The following EIF3J variants were observed in gnomAD, a reference collection of about 807,000 sequenced individuals.
EIF3J encodes eukaryotic translation initiation factor 3, subunit 1 (alpha, 35kD).
EIF3J carries 15 observed loss-of-function variants against 39.0 expected under a neutral mutation model. The observed-to-expected ratio is 0.38, with a 90% CI of 0.26 to 0.59. The LOEUF (loss-of-function observed/expected upper bound fraction) is 0.59, where lower values mean the gene tolerates loss of function less well. EIF3J is among the 20% of genes least tolerant of loss of function. EIF3J has a pLI of 0.60. For missense variants in EIF3J, 226 were observed against 308.6 expected (o/e 0.73, Z 2.00); for synonymous variants, 98 against 112.9 (o/e 0.87, Z 0.84).
At chr15:44,541,071 C>T (rs996407619) in intron 2 of EIF3J, among the ~76,000 whole-genome samples, 1 of 152,144 alleles carries the variant, frequency 6.6e-6, no homozygotes, top group Non-Finnish European at 1.5e-5. Context: ...CTATGCTTTT[C>T]CCCAGTTAAA....
chr15:44,539,079 T>A (rs1396699196), intron 2 of EIF3J, among the ~76,000 whole-genome samples: 1 of 149,892 alleles, frequency 6.7e-6, no homozygotes, highest in African/African-American at 2.5e-5. Flanking sequence ...CAGGCTGGAG[T>A]GCAATGGCGC....
At chr15:44,560,994 G>C (rs1186740490) in intron 7 of EIF3J, 24 bp from the exon 8 acceptor site, 2 of 1,611,008 alleles carry the variant, frequency 1.2e-6, no homozygotes, top group Non-Finnish European at 1.7e-6. Flanking sequence ...TAAGGTTCAT[G>C]AATTAACTCT....
intron 4 of EIF3J, among the ~76,000 whole-genome samples, chr15:44,554,196 G>A (rs996798466): frequency 1.3e-5 from 2 of 152,002 alleles, no homozygotes; most frequent in Admixed American, 1.3e-4. Context: ...GGCCAACATG[G>A]TGAAACCCCA....
At chr15:44,545,094 A>G (rs928878690) in intron 2 of EIF3J, among the ~76,000 whole-genome samples, 2 of 152,182 alleles carry the variant, frequency 1.3e-5, no homozygotes, top group Admixed American at 6.5e-5. Flanking sequence ...GCATATCTTA[A>G]TATGTGTAAT....
chr15:44,544,165 C>T (rs1002248136), intron 2 of EIF3J, among the ~76,000 whole-genome samples: 1 of 148,614 alleles, frequency 6.7e-6, no homozygotes, highest in African/African-American at 2.5e-5. Context: ...GTGATCTCGG[C>T]TCACTGCAAC....
chr15:44,548,396 CAA>C (rs746953098), intron 2 of EIF3J, among the ~76,000 whole-genome samples: 43 of 152,068 alleles, frequency 2.8e-4, no homozygotes, highest in Non-Finnish European at 5.6e-4. Flanking sequence ...ACCTGGGCGA[CAA>C]GAGTGAAACT....
intron 2 of EIF3J, among the ~76,000 whole-genome samples, chr15:44,541,409 A>G (rs2082013433): frequency 6.6e-6 from 1 of 152,234 alleles, no homozygotes; most frequent in South Asian, 2.1e-4. Flanking sequence ...CTCTGTAACC[A>G]TATAGCATTT....
intron 7 of EIF3J, 44 bp from the exon 8 acceptor site, chr15:44,560,974 C>T (rs772873379): frequency 3.2e-5 from 52 of 1,604,030 alleles, no homozygotes; most frequent in Non-Finnish European, 3.9e-5. Flanking sequence ...ATAAGATGCC[C>T]ATAGCACACT....
chr15:44,545,574 A>G (rs1287811967), intron 2 of EIF3J, among the ~76,000 whole-genome samples: 2 of 152,228 alleles, frequency 1.3e-5, no homozygotes, highest in Non-Finnish European at 2.9e-5. Context: ...CTTTTTTAAA[A>G]TTAGTTTTTA....
At chr15:44,550,584 A>G (rs1383974655) in intron 2 of EIF3J, 1 of 210,066 alleles carries the variant, frequency 4.8e-6, no homozygotes, top group African/African-American at 2.3e-5. Flanking sequence ...ACAAGATGAA[A>G]TACTTAGGAA....
At chr15:44,548,955 G>A (rs1232759954) in intron 2 of EIF3J, among the ~76,000 whole-genome samples, 2 of 151,728 alleles carry the variant, frequency 1.3e-5, no homozygotes, top group Non-Finnish European at 2.9e-5. Flanking sequence ...TGACAACTGG[G>A]TAGCCATTTG....
At chr15:44,558,339 C>T (rs1170763644) in intron 6 of EIF3J, among the ~76,000 whole-genome samples, 1 of 152,132 alleles carries the variant, frequency 6.6e-6, no homozygotes, top group African/African-American at 2.4e-5. Flanking sequence ...CGCAGTGGCT[C>T]ATGCCTGTAA....
rs1242067387 is a variant in EIF3J, at chr15:44,560,323, G to A, written c.645+1G>A. The A allele has an allele frequency of 1.2e-6, 2 of 1,612,462 alleles. No homozygotes were observed. Among genetic ancestry groups the A allele is most frequent in the African/African-American group, 1.3e-5 (1 of 74,858 alleles). ...CAGTGAAAAACAGAAGCAAGAAAAG[G>A]TAAGAGCAAGCTGTGTAGGGAAATG... is the stretch of plus-strand genomic sequence containing the variant. On this transcript the variant is annotated splice_donor_variant, in intron 7 of 7. Transcript: ENST00000261868. LOFTEE classifies it high-confidence loss of function.
At chr15:44,545,157 CAGTT>C (rs2082043631) in intron 2 of EIF3J, among the ~76,000 whole-genome samples, 1 of 152,080 alleles carries the variant, frequency 6.6e-6, no homozygotes, top group African/African-American at 2.4e-5. Context: ...ACTTAGTTCC[CAGTT>C]AGTTATTTTA....
chr15:44,542,717 A>C (rs1379886336), intron 2 of EIF3J, among the ~76,000 whole-genome samples: 1 of 152,262 alleles, frequency 6.6e-6, no homozygotes, highest in East Asian at 1.9e-4. Context: ...TTTCATAGAA[A>C]TAGCTTAAAT....
intron 4 of EIF3J, among the ~76,000 whole-genome samples, chr15:44,553,632 G>A (rs1470823336): frequency 6.6e-6 from 1 of 152,128 alleles, no homozygotes; most frequent in East Asian, 1.9e-4. Context: ...TGTTATAGTG[G>A]TAATTTTATA....
Position 44,562,167 on chromosome 15 carries a change from A to AGTTAC in EIF3J, c.*1018_*1019insGTTAC, listed in dbSNP as rs1442949049. The AGTTAC allele has an allele frequency of 6.6e-6, 1 of 152,610 alleles. No homozygotes were observed. The highest frequency in any genetic ancestry group is 1.5e-5 in the Non-Finnish European group (1 of 68,022). The allele number at this position is 152,610 out of a possible 1,614,324, so 9.5% of individuals were successfully genotyped here. A position where few individuals can be genotyped will look rare whatever the true frequency, so the allele number is the denominator to read the frequency against. On this transcript the variant is annotated 3_prime_UTR_variant, in exon 8 of 8. Coordinates refer to ENST00000261868, the MANE Select transcript of EIF3J (RefSeq NM_003758.4). The stretch of plus-strand genomic sequence containing the variant: ...GGGAGTACAGTTCTCTACGTTCTCT[A>AGTTAC]CTAAATCTTAATAAATGCTTGACAT...
At chr15:44,554,847 G>A (rs893052081) in intron 5 of EIF3J, among the ~76,000 whole-genome samples, 180 bp downstream of exon 5, 2 of 152,160 alleles carry the variant, frequency 1.3e-5, no homozygotes, top group Non-Finnish European at 2.9e-5. Context: ...TTGAATAATT[G>A]TTTTGAGTAA....
Position 44,557,664 on chromosome 15 carries a change from AT to A in EIF3J, c.571+17del. ...TGTGTATTTCATGTAAGTAATTCTA[AT>A]TTCTAGCCCCTCTGGGTAGATTTTT... On this transcript the variant is annotated intron_variant, in intron 6 of 7. Coordinates refer to ENST00000261868, the MANE Select transcript of EIF3J (RefSeq NM_003758.4). The A allele has an allele frequency of 6.9e-7, 1 of 1,439,528 alleles. No individual in the cohort carries two copies. Among genetic ancestry groups the A allele is most frequent in the Non-Finnish European group, 9.2e-7 (1 of 1,091,046 alleles). The allele number at this position is 1,439,528 out of a possible 1,614,324, so 89.2% of individuals were successfully genotyped here.
Sources: allele counts gnomAD v4.1 joint callset (sites outside exome capture counted in the v4.1 genomes callset), GRCh38; gene constraint gnomAD v4.1.1; transcripts MANE v1.5; gene names NCBI Gene and HGNC (gene_info 2026-07-23, HGNC 2026-07-21).